Variants in DNAH11 observed in about 807,000 individuals in gnomAD.
The protein encoded by DNAH11 is axonemal beta dynein heavy chain 11.
DNAH11 carries 442 observed loss-of-function variants against 526.0 expected under a neutral mutation model. That is an observed-to-expected ratio of 0.84 (90% confidence interval 0.78 to 0.91). DNAH11 has a LOEUF of 0.91. Ranked by LOEUF, DNAH11 falls within the 40% of genes least tolerant of loss-of-function variation. DNAH11 has a pLI of 0.00. For missense variants in DNAH11, 6,989 were observed against 5,448.7 expected (o/e 1.28, Z -8.90); for synonymous variants, 2,461 against 1,935.9 (o/e 1.27, Z -7.12).
At chr7:21,761,174 C>T (rs1158026992) in intron 54 of DNAH11, among the ~76,000 whole-genome samples, 1 of 152,138 alleles carries the variant, frequency 6.6e-6, no homozygotes, top group East Asian at 1.9e-4. Flanking sequence ...TCTCACATGA[C>T]ACCACTAGCA....
rs376256293 is a variant in DNAH11, at chr7:21,705,156, TG to T, written c.6469-302del. Among the ~76,000 whole-genome samples the T allele has an allele frequency of 4.4e-3, 676 of 152,348 alleles. 4 individuals carry two copies. The highest frequency in any genetic ancestry group is 0.014 in the African/African-American group (599 of 41,586). On this transcript the variant is annotated intron_variant, in intron 38 of 81. Coordinates refer to ENST00000409508, the MANE Select transcript of DNAH11 (RefSeq NM_001277115.2). ...TAAATCATTAGTTGTAGATAGTGAT[TG>T]GCTATGTACAGTGTTTGTTCAAAAC...
chr7:21,726,060 T>G (rs1188781856), intron 45 of DNAH11, 76 bp downstream of exon 45: 1 of 1,364,218 alleles, frequency 7.3e-7, no homozygotes, highest in Admixed American at 3.1e-5. Flanking sequence ...CTGGGTAATT[T>G]ATAAAGAAAA....
chr7:21,603,868 A>T (rs551412426), intron 18 of DNAH11, among the ~76,000 whole-genome samples: 1 of 152,310 alleles, frequency 6.6e-6, no homozygotes, highest in East Asian at 1.9e-4. Context: ...GGCCTCCAGA[A>T]TTTGTATTAT....
At chr7:21,606,757 G>C (rs1430362392) in intron 20 of DNAH11, 24 bp downstream of exon 20, 1 of 1,564,764 alleles carries the variant, frequency 6.4e-7, no homozygotes. Flanking sequence ...CAAATATCCT[G>C]TGTGCATTAA....
intron 62 of DNAH11, among the ~76,000 whole-genome samples, chr7:21,802,864 A>T (rs769620145): frequency 6.6e-6 from 1 of 151,798 alleles, no homozygotes; most frequent in Non-Finnish European, 1.5e-5. Flanking sequence ...AGTGACTACT[A>T]CTGGATACAT....
intron 66 of DNAH11, among the ~76,000 whole-genome samples, 194 bp downstream of exon 66, chr7:21,842,942 G>A (rs1322601163): frequency 1.3e-5 from 2 of 152,204 alleles, no homozygotes; most frequent in African/African-American, 4.8e-5. Flanking sequence ...TTACGGTTAT[G>A]CCACACGTAG....
In DNAH11 at chr7:21,716,573, C is replaced by G. The variant is rs188221106; in HGVS notation, c.6984-1202C>G. 6.4e-4 allele frequency among the ~76,000 whole-genome samples: 98 copies of G among 152,298 alleles called. 1 individual carries two copies. Among genetic ancestry groups the G allele is most frequent in the African/African-American group, 2.2e-3 (93 of 41,574 alleles). ...TTCCTTTCCCTGAGCAATCCTCTTTCACCTCTTCTTGATAAGATCTAGATA... is the reference window on the plus strand; with the variant it reads ...TTCCTTTCCCTGAGCAATCCTCTTTGACCTCTTCTTGATAAGATCTAGATA... On this transcript the variant is annotated intron_variant, in intron 42 of 81. Coordinates refer to ENST00000409508, the MANE Select transcript of DNAH11 (RefSeq NM_001277115.2).
intron 63 of DNAH11, among the ~76,000 whole-genome samples, chr7:21,810,875 G>A (rs946237406): frequency 6.6e-6 from 1 of 152,104 alleles, no homozygotes; most frequent in Non-Finnish European, 1.5e-5. Flanking sequence ...ATATGGTAAA[G>A]TTTCCCAAAA....
At chr7:21,817,030 G>C (rs1789824685) in intron 64 of DNAH11, among the ~76,000 whole-genome samples, 1 of 152,074 alleles carries the variant, frequency 6.6e-6, no homozygotes, top group Non-Finnish European at 1.5e-5. Flanking sequence ...AGTAACACAA[G>C]AATTGTCAAG....
At chr7:21,799,054 C>A (rs1788844006) in intron 61 of DNAH11, among the ~76,000 whole-genome samples, 1 of 152,060 alleles carries the variant, frequency 6.6e-6, no homozygotes, top group African/African-American at 2.4e-5. Context: ...AGAACCATTG[C>A]CTTCTACTGT....
chr7:21,829,678 A>T (rs1790461952), intron 65 of DNAH11, among the ~76,000 whole-genome samples: 1 of 152,244 alleles, frequency 6.6e-6, no homozygotes, highest in Non-Finnish European at 1.5e-5. Flanking sequence ...TGACATTTCC[A>T]ACAGTAACTA....
At chr7:21,794,363 C>A (rs563372779) in intron 61 of DNAH11, among the ~76,000 whole-genome samples, 1 of 152,268 alleles carries the variant, frequency 6.6e-6, no homozygotes, top group African/African-American at 2.4e-5. Flanking sequence ...CTAGTCTTTG[C>A]TGACTGGCTT....
At chr7:21,710,441 C>A in intron 40 of DNAH11, 112 bp from the exon 41 acceptor site, 1 of 894,302 alleles carries the variant, frequency 1.1e-6, no homozygotes, top group African/African-American at 1.7e-5. Flanking sequence ...ACACACTGCC[C>A]GCAAGAAAGA....
intron 14 of DNAH11, among the ~76,000 whole-genome samples, chr7:21,596,742 T>G (rs1487153267): frequency 6.6e-6 from 1 of 152,204 alleles, no homozygotes; most frequent in Non-Finnish European, 1.5e-5. Context: ...TAGAATTTTT[T>G]GTATTAATAA....
intron 52 of DNAH11, among the ~76,000 whole-genome samples, 187 bp from the exon 53 acceptor site, chr7:21,749,491 A>G (rs941741209): frequency 1.3e-5 from 2 of 152,276 alleles, no homozygotes; most frequent in Middle Eastern, 3.4e-3. Context: ...CGAGTCAGCA[A>G]TGGAGGTGGT....
At chr7:21,749,556 G>T in intron 52 of DNAH11, 122 bp from the exon 53 acceptor site, 2 of 1,316,804 alleles carry the variant, frequency 1.5e-6, no homozygotes, top group Non-Finnish European at 2.1e-6. Context: ...ATGTAAACCA[G>T]GGAAAGGCAC....
At chr7:21,718,049 G>A (rs1784731370) in intron 43 of DNAH11, 124 bp downstream of exon 43, 4 of 1,363,856 alleles carry the variant, frequency 2.9e-6, no homozygotes, top group Admixed American at 4.8e-5. Context: ...TTAGATTGCT[G>A]CAACCCTCTT....
intron 68 of DNAH11, among the ~76,000 whole-genome samples, chr7:21,855,581 G>A (rs1454358101): frequency 6.6e-6 from 1 of 151,998 alleles, no homozygotes; most frequent in Non-Finnish European, 1.5e-5. Flanking sequence ...TAAATAAATT[G>A]CCCAAGAATT....
At position 21,648,521 on chromosome 7, in the gene DNAH11, C is replaced by T. The variant is rs568080270; in HGVS notation, c.4945-7311C>T. 8.5e-5 allele frequency among the ~76,000 whole-genome samples: 13 copies of T among 152,292 alleles called. No individual in the cohort carries two copies. The East Asian group carries it at 1.5e-3, about 18-fold the overall frequency. On this transcript the variant is annotated intron_variant, in intron 28 of 81. Transcript: ENST00000409508. Reference sequence around the variant, plus strand: ...ATAATGAGATGAACATGCCCATACCCAAGCTACCAGCTGAGCAACCATCAC... The same window carrying T: ...ATAATGAGATGAACATGCCCATACCTAAGCTACCAGCTGAGCAACCATCAC...
Sources: allele counts gnomAD v4.1 joint callset (sites outside exome capture counted in the v4.1 genomes callset), GRCh38; gene constraint gnomAD v4.1.1; transcripts MANE v1.5; gene names NCBI Gene and HGNC (gene_info 2026-07-23, HGNC 2026-07-21).